EFCC1: variants seen among roughly 807,000 people sequenced by gnomAD.
The protein encoded by EFCC1 is EF-hand and coiled-coil domain containing 1.
In EFCC1, 50 loss-of-function variants were observed where a neutral mutation model predicts 52.1. The observed-to-expected ratio is 0.96, with a 90% CI of 0.76 to 1.21. EFCC1 has a LOEUF of 1.21. EFCC1 is among the 50% of genes most tolerant of loss of function. The probability of loss-of-function intolerance (pLI) is 0.00; values close to 1 mark genes in which losing one functional copy is unlikely to be tolerated. For synonymous variants in EFCC1, 399 were observed against 396.5 expected, an observed-to-expected ratio of 1.01 and a Z score of -0.08; for missense variants, 837 against 867.3, an observed-to-expected ratio of 0.97 and a Z score of 0.44.
chr3:129,007,774 T>TA (rs1461018175), intron 2 of EFCC1, among the ~76,000 whole-genome samples: 1 of 152,250 alleles, frequency 6.6e-6, no homozygotes, highest in Non-Finnish European at 1.5e-5. Context: ...TTGATGACTC[T>TA]ATTGTTCATG....
intron 2 of EFCC1, among the ~76,000 whole-genome samples, chr3:129,015,921 T>G (rs1945561767): frequency 6.6e-6 from 1 of 152,092 alleles, no homozygotes; most frequent in South Asian, 2.1e-4. Context: ...CCTCCCAGAG[T>G]AGGTGCTGCA....
chr3:129,002,668 A>C, intron 1 of EFCC1: 2 of 310,608 alleles, frequency 6.4e-6, no homozygotes, highest in Non-Finnish European at 1.2e-5. Flanking sequence ...CCCTTTCAAC[A>C]AGCATCTTTC....
At chr3:129,021,140 A>T (rs1444981137) in intron 2 of EFCC1, among the ~76,000 whole-genome samples, 1 of 152,174 alleles carries the variant, frequency 6.6e-6, no homozygotes, top group Admixed American at 6.5e-5. Context: ...CAGATCCTGT[A>T]TGACCAAGCA....
chr3:129,001,795 A>C lies in EFCC1; in HGVS notation c.167A>C (p.Asp56Ala). 6.5e-7 allele frequency: 1 copy of C among 1,544,920 alleles called. No homozygotes were observed. Among genetic ancestry groups the C allele is most frequent in the Non-Finnish European group, 8.7e-7 (1 of 1,145,784 alleles). Residue 56 changes from aspartate (D) to alanine (A), a missense_variant, in exon 1 of 8, where the codon GAC (aspartate) becomes GCC (alanine). By Grantham distance (126) the Asp-to-Ala change is moderately radical (BLOSUM62 -2). Transcript: ENST00000683648. Reference sequence around the variant, plus strand: ...ATCGTGGTGCTGGCCACCGGCCTGGACCAGTACCTGCAGGAGGTCTTCCAC... The same window carrying C: ...ATCGTGGTGCTGGCCACCGGCCTGGCCCAGTACCTGCAGGAGGTCTTCCAC... Reference protein sequence around the residue: ...NEIVVLATGLDQYLQEVFHHL... With the variant: ...NEIVVLATGLAQYLQEVFHHL...
intron 2 of EFCC1, among the ~76,000 whole-genome samples, chr3:129,025,618 G>A (rs770789979): frequency 2.0e-5 from 3 of 152,178 alleles, no homozygotes; most frequent in Non-Finnish European, 2.9e-5. Flanking sequence ...TTGTGTATTT[G>A]CTTGTTTGAA....
Position 129,010,378 on chromosome 3 carries a change from A to G in EFCC1, c.980+6301A>G, listed in dbSNP as rs192520153. Among the ~76,000 whole-genome samples the G allele has an allele frequency of 1.3e-5, 2 of 152,368 alleles. No homozygotes were observed. The highest frequency in any genetic ancestry group is 1.3e-4 in the Admixed American group (2 of 15,312). On this transcript the variant is annotated intron_variant, in intron 2 of 7. Transcript: ENST00000683648. The surrounding 1 kb of genome is among the most constrained non-coding windows in gnomAD (Gnocchi z 4.3). ...CAGCCTAGGGCCAGCACCACTGGGC[A>G]GGGGCTGGTGCCCAAAAAGACAGAA... is the stretch of plus-strand genomic sequence containing the variant.
chr3:129,037,216 A>G (rs1946368927), intron 6 of EFCC1, 99 bp downstream of exon 6: 1 of 1,416,724 alleles, frequency 7.1e-7, no homozygotes, highest in East Asian at 2.5e-5. Flanking sequence ...CTCTCCTTAC[A>G]GTAGGCAGCT....
Position 129,032,227 on chromosome 3 carries a change from G to A in EFCC1, c.1139-592G>A, listed in dbSNP as rs551269471. On this transcript the variant is annotated intron_variant, in intron 3 of 7. Transcript: ENST00000683648. Reference sequence around the variant, plus strand: ...ATCTGTCCATCCTGGTGCCTGTACCGTGAGGAGCCCACCCCAGCTCCTAAG... The same window carrying A: ...ATCTGTCCATCCTGGTGCCTGTACCATGAGGAGCCCACCCCAGCTCCTAAG... 1.2e-3 allele frequency among the ~76,000 whole-genome samples: 180 copies of A among 152,294 alleles called. 1 individual carries two copies. The highest frequency in any genetic ancestry group is 3.9e-3 in the African/African-American group (161 of 41,550).
chr3:129,037,058 T>C lies in EFCC1; in HGVS notation c.1534T>C (p.Ser512Pro). Residue 512 changes from serine to proline, a missense_variant, in exon 6 of 8, where the codon TCC becomes CCC. By Grantham distance (74) the Ser-to-Pro change is moderately conservative. Coordinates refer to ENST00000683648, the MANE Select transcript of EFCC1 (RefSeq NM_001377500.1). The part of the protein sequence containing the change: ...QMVETERVRL[S>P]LLEEKLVDVL... ...GGTAGAGACCGAGAGGGTGCGGCTG[T>C]CCCTGCTGGAGGAGAAGCTGGTGGA... The C allele has an allele frequency of 6.2e-7, 1 of 1,613,474 alleles. No individual in the cohort carries two copies. Among genetic ancestry groups the C allele is most frequent in the Non-Finnish European group, 8.5e-7 (1 of 1,179,854 alleles).
chr3:129,030,110 C>T (rs971200970), intron 2 of EFCC1, among the ~76,000 whole-genome samples: 7 of 151,882 alleles, frequency 4.6e-5, no homozygotes, highest in Middle Eastern at 3.2e-3. Flanking sequence ...CGCTTGAGCC[C>T]GGGAGGTTTG....
chr3:129,037,925 A>T (rs1296717206), intron 6 of EFCC1, among the ~76,000 whole-genome samples: 3 of 151,630 alleles, frequency 2.0e-5, no homozygotes, highest in African/African-American at 7.3e-5. Context: ...TTAGCTGGGC[A>T]TGGTGGTGTA....
chr3:129,011,291 C>T (rs1386297982), intron 2 of EFCC1, among the ~76,000 whole-genome samples: 1 of 152,184 alleles, frequency 6.6e-6, no homozygotes, highest in Non-Finnish European at 1.5e-5. Context: ...TGGCTCACGC[C>T]TGTAATCCCA....
intron 2 of EFCC1, among the ~76,000 whole-genome samples, chr3:129,008,473 T>C (rs1079274): frequency 0.37 from 55,773 of 152,196 alleles, 12,543 homozygotes; most frequent in African/African-American, 0.64. Flanking sequence ...GAGGGGCTTC[T>C]CATAGCACCC....
intron 2 of EFCC1, among the ~76,000 whole-genome samples, chr3:129,008,263 C>T (rs78810941): frequency 0.038 from 5,844 of 152,316 alleles, 290 homozygotes; most frequent in African/African-American, 0.11. Context: ...CCCTTGCTGG[C>T]CCCTGGCCTC....
At chr3:129,022,176 G>A (rs1945881176) in intron 2 of EFCC1, among the ~76,000 whole-genome samples, 1 of 152,206 alleles carries the variant, frequency 6.6e-6, no homozygotes, top group African/African-American at 2.4e-5. Context: ...AGGGGCAGGA[G>A]CTCCACAAAG....
At chr3:129,002,625 G>A in intron 1 of EFCC1, 2 of 447,958 alleles carry the variant, frequency 4.5e-6, no homozygotes, top group Non-Finnish European at 7.7e-6. Context: ...CTTTAACCTA[G>A]GAATTGCACC....
intron 2 of EFCC1, among the ~76,000 whole-genome samples, chr3:129,029,887 A>T (rs532473368): frequency 7.6e-4 from 109 of 144,336 alleles, no homozygotes; most frequent in East Asian, 2.8e-3. Flanking sequence ...TTAAAAAATT[A>T]AAAAAAAAAA....
intron 2 of EFCC1, among the ~76,000 whole-genome samples, chr3:129,013,577 A>G (rs1192318977): frequency 2.0e-5 from 3 of 152,126 alleles, no homozygotes; most frequent in Admixed American, 6.5e-5. Context: ...TATCCTCCCA[A>G]TCACCCCCAT....
At chr3:129,011,626 G>A (rs1945333908) in intron 2 of EFCC1, among the ~76,000 whole-genome samples, 1 of 152,172 alleles carries the variant, frequency 6.6e-6, no homozygotes, top group African/African-American at 2.4e-5. Context: ...TCCAGGGCAG[G>A]ATCACAAAGG....
Sources: allele counts gnomAD v4.1 joint callset (sites outside exome capture counted in the v4.1 genomes callset), GRCh38; gene constraint gnomAD v4.1.1; non-coding constraint Gnocchi (gnomAD v3.1); transcripts MANE v1.5; gene names NCBI Gene and HGNC (gene_info 2026-07-23, HGNC 2026-07-21).